SNTG1: variants seen among roughly 807,000 people sequenced by gnomAD.
SNTG1 encodes the protein syntrophin gamma 1.
SNTG1 carries 39 observed loss-of-function variants against 74.7 expected under a neutral mutation model. The ratio of observed to expected loss-of-function variants is 0.52; its 90% CI spans 0.40 to 0.68. The LOEUF is 0.68. SNTG1 is among the 30% of genes least tolerant of loss of function. The pLI, the probability that SNTG1 is intolerant of heterozygous loss-of-function variation, is 0.00. For synonymous variants in SNTG1, 254 were observed against 217.1 expected, an observed-to-expected ratio of 1.17 and a Z score of -1.49; for missense variants, 685 against 609.5, an observed-to-expected ratio of 1.12 and a Z score of -1.30.
chr8:50,581,584 C>A (rs1345176551), intron 12 of SNTG1, among the ~76,000 whole-genome samples: 5 of 151,944 alleles, frequency 3.3e-5, no homozygotes, highest in African/African-American at 1.2e-4. Context: ...ATCAGAATTA[C>A]TATTGTCAAT....
At chr8:50,051,078 G>C (rs958911229) in intron 1 of SNTG1, among the ~76,000 whole-genome samples, 1 of 151,796 alleles carries the variant, frequency 6.6e-6, no homozygotes, top group Non-Finnish European at 1.5e-5. Context: ...CCCTAAGACT[G>C]GGAACAAGAC....
chr8:50,616,450 G>GA (rs2094885991), intron 13 of SNTG1, among the ~76,000 whole-genome samples: 1 of 152,082 alleles, frequency 6.6e-6, no homozygotes, highest in Admixed American at 6.6e-5. Flanking sequence ...TGAAAATGTG[G>GA]AAAAAAGCAA....
chr8:50,718,498 T>C (rs2095480079), intron 17 of SNTG1, among the ~76,000 whole-genome samples: 1 of 152,194 alleles, frequency 6.6e-6, no homozygotes, highest in African/African-American at 2.4e-5. Context: ...CGGCTGCAGT[T>C]CGGATGGTTC....
At chr8:50,298,793 A>G (rs114164251) in intron 2 of SNTG1, among the ~76,000 whole-genome samples, 14 of 152,250 alleles carry the variant, frequency 9.2e-5, no homozygotes, top group African/African-American at 3.1e-4. Flanking sequence ...TTTGTGCTGT[A>G]TACACTTCTG....
rs947555746 is a variant in SNTG1, at chr8:50,159,098, T to G, written c.-102-13463T>G. Among the ~76,000 whole-genome samples, 49 of 152,156 alleles carry G rather than the reference T, an allele frequency of 3.2e-4. 1 individual carries two copies. Among genetic ancestry groups the G allele is most frequent in the African/African-American group, 1.2e-3 (49 of 41,448 alleles). ...TTTTGATGACCGGCCGTTTGGGTTTTTTCTCTTCTAAAATGCTTGTTCCTG... is the reference window on the plus strand; with the variant it reads ...TTTTGATGACCGGCCGTTTGGGTTTGTTCTCTTCTAAAATGCTTGTTCCTG... On this transcript the variant is annotated intron_variant, in intron 1 of 18. Coordinates refer to ENST00000642720, the MANE Select transcript of SNTG1 (RefSeq NM_018967.5).
chr8:50,549,493 C>CT (rs1266841560), intron 11 of SNTG1, among the ~76,000 whole-genome samples: 3 of 152,224 alleles, frequency 2.0e-5, no homozygotes, highest in East Asian at 3.9e-4. Flanking sequence ...TTTATTCTCT[C>CT]TTTTTTCCAT....
At chr8:50,150,768 A>G (rs994896594) in intron 1 of SNTG1, among the ~76,000 whole-genome samples, 2 of 152,164 alleles carry the variant, frequency 1.3e-5, no homozygotes, top group Non-Finnish European at 2.9e-5. Context: ...AGCCCACTTG[A>G]TCATGGTGGA....
At position 50,450,548 on chromosome 8, in the gene SNTG1, A is replaced by G. The variant is rs185036294; in HGVS notation, c.278-8A>G. Reference sequence around the variant, plus strand: ...AATGCATTATCAATTGTGCTTTTTCATTCACAGCGGAACTTTCAGGACTAC... The same window carrying G: ...AATGCATTATCAATTGTGCTTTTTCGTTCACAGCGGAACTTTCAGGACTAC... On this transcript the variant is annotated splice_polypyrimidine_tract_variant and splice_region_variant and intron_variant, in intron 6 of 18. Coordinates refer to ENST00000642720, the MANE Select transcript of SNTG1 (RefSeq NM_018967.5). 5 of 1,613,260 alleles carry G rather than the reference A, an allele frequency of 3.1e-6. No individual in the cohort carries two copies. In the African/African-American group the frequency reaches 6.7e-5, roughly 21 times the overall value.
intron 12 of SNTG1, 90 bp from the exon 13 acceptor site, chr8:50,590,789 G>C (rs966303551): frequency 9.4e-6 from 7 of 743,060 alleles, no homozygotes; most frequent in Admixed American, 2.7e-5. Flanking sequence ...GTATATATTA[G>C]CTCACTAAAA....
At chr8:50,323,551 T>C (rs1326974217) in intron 2 of SNTG1, among the ~76,000 whole-genome samples, 1 of 152,206 alleles carries the variant, frequency 6.6e-6, no homozygotes, top group African/African-American at 2.4e-5. Flanking sequence ...ATAGAGGTAC[T>C]ATGTTGGAGG....
intron 2 of SNTG1, among the ~76,000 whole-genome samples, chr8:50,208,484 A>G (rs1184891560): frequency 6.6e-6 from 1 of 152,152 alleles, no homozygotes; most frequent in Admixed American, 6.5e-5. Flanking sequence ...TTCTGAATAC[A>G]GCACACTGAC....
At chr8:50,558,776 T>C (rs1466786625) in intron 12 of SNTG1, among the ~76,000 whole-genome samples, 1 of 152,078 alleles carries the variant, frequency 6.6e-6, no homozygotes, top group African/African-American at 2.4e-5. Flanking sequence ...AAATATTTTT[T>C]AAAAGTCCTG....
chr8:50,200,632 AC>A (rs1038511241), intron 2 of SNTG1, among the ~76,000 whole-genome samples: 1 of 152,260 alleles, frequency 6.6e-6, no homozygotes, highest in African/African-American at 2.4e-5. Context: ...CAATTTAGTC[AC>A]CAGAAGCACA....
At chr8:50,154,085 C>T (rs2082170091) in intron 1 of SNTG1, among the ~76,000 whole-genome samples, 1 of 152,178 alleles carries the variant, frequency 6.6e-6, no homozygotes. Flanking sequence ...TATTTACCTA[C>T]TCAAGCCTCA....
intron 2 of SNTG1, among the ~76,000 whole-genome samples, chr8:50,238,606 A>G (rs1345388864): frequency 1.3e-5 from 2 of 152,136 alleles, no homozygotes; most frequent in Admixed American, 1.3e-4. Flanking sequence ...ACAAAGACTC[A>G]AAAAGCAACC....
At chr8:50,181,231 C>CTT (rs906953603) in intron 2 of SNTG1, among the ~76,000 whole-genome samples, 5 of 152,164 alleles carry the variant, frequency 3.3e-5, no homozygotes, top group Admixed American at 6.5e-5. Context: ...ATGTCCTATG[C>CTT]TTTTACACAT....
At chr8:50,423,417 A>G (rs2093121576) in intron 4 of SNTG1, among the ~76,000 whole-genome samples, 1 of 152,190 alleles carries the variant, frequency 6.6e-6, no homozygotes, top group South Asian at 2.1e-4. Context: ...AGTTTCATTG[A>G]CTTTTTATAA....
intron 12 of SNTG1, among the ~76,000 whole-genome samples, chr8:50,583,394 CAAA>C (rs58794829): frequency 4.5e-4 from 37 of 82,406 alleles, no homozygotes; most frequent in African/African-American, 5.4e-4. Context: ...GAGTGAGACT[CAAA>C]AAAAAAAAAA....
At chr8:50,717,815 A>C (rs144857559) in intron 17 of SNTG1, among the ~76,000 whole-genome samples, 2 of 152,322 alleles carry the variant, frequency 1.3e-5, no homozygotes, top group African/African-American at 4.8e-5. Flanking sequence ...ACCCTTAGAA[A>C]GAGATGAACA....
Sources: allele counts gnomAD v4.1 joint callset (sites outside exome capture counted in the v4.1 genomes callset), GRCh38; gene constraint gnomAD v4.1.1; transcripts MANE v1.5; gene names NCBI Gene and HGNC (gene_info 2026-07-23, HGNC 2026-07-21).